USO1: variants seen among roughly 807,000 people sequenced by gnomAD.
USO1 encodes USO1 vesicle transport factor.
Under a neutral mutation model 124.5 loss-of-function variants are expected in USO1, and 57 were observed. The ratio of observed to expected loss-of-function variants is 0.46; its 90% confidence interval spans 0.37 to 0.57. The LOEUF (loss-of-function observed/expected upper bound fraction) is 0.57, where lower values mean the gene tolerates loss of function less well. USO1 is among the 20% of genes least tolerant of loss of function. USO1 has a pLI of 0.00. For missense variants in USO1, 900 were observed against 1,040.6 expected, an observed-to-expected ratio of 0.86 and a Z score of 1.86; for synonymous variants, 369 against 362.8, an observed-to-expected ratio of 1.02 and a Z score of -0.19.
chr4:75,813,288 A>G lies in USO1; in HGVS notation c.2882A>G (p.His961Arg), dbSNP rs1202456604. The stretch of plus-strand genomic sequence containing the variant: ...GAAGATCCTGGCAAGGATCTAGATC[A>G]TATCTAGTTTTCAAATCTCTAGGAA... ...ESEDPGKDLD[H>R]I The change falls in exon 24 of 24, where the codon CAT (histidine) becomes CGT (arginine). Residue 961 changes from histidine to arginine, a missense_variant. By Grantham distance (29) the His-to-Arg change is conservative. Coordinates refer to ENST00000514213, the MANE Select transcript of USO1 (RefSeq NM_003715.4). 1.3e-6 allele frequency: 2 copies of G among 1,596,814 alleles called. No homozygotes were observed. The highest frequency in any genetic ancestry group is 2.3e-5 in the South Asian group (2 of 87,434).
At chr4:75,774,899 ACT>A (rs1172737935) in intron 8 of USO1, 103 bp downstream of exon 8, 1 of 1,412,506 alleles carries the variant, frequency 7.1e-7, no homozygotes, top group Non-Finnish European at 9.3e-7. Context: ...TCTTATTTAT[ACT>A]CTTTGTTTTT....
At chr4:75,805,383 T>C in intron 19 of USO1, 80 bp downstream of exon 19, 2 of 1,443,056 alleles carry the variant, frequency 1.4e-6, no homozygotes, top group Non-Finnish European at 1.8e-6. Context: ...TTTCCTTGGA[T>C]CTCTTAAGCC....
chr4:75,752,803 G>A (rs1721328531), intron 3 of USO1, among the ~76,000 whole-genome samples, 199 bp downstream of exon 3: 1 of 152,138 alleles, frequency 6.6e-6, no homozygotes, highest in Non-Finnish European at 1.5e-5. Context: ...TGGGATTGCA[G>A]GTGTGAGCCA....
chr4:75,770,124 T>C (rs2149167083), intron 4 of USO1: 1 of 176,796 alleles, frequency 5.7e-6, no homozygotes, highest in East Asian at 1.6e-4. Flanking sequence ...ATAGACTATT[T>C]CTATCCCAAA....
At chr4:75,807,325 TTTC>T (rs1458384537) in intron 20 of USO1, among the ~76,000 whole-genome samples, 10 of 152,018 alleles carry the variant, frequency 6.6e-5, no homozygotes, top group Non-Finnish European at 1.2e-4. Context: ...TTCTCTCTCT[TTTC>T]TTCTTTCCCT....
chr4:75,776,445 AAAATG>A (rs1265836182), intron 8 of USO1, among the ~76,000 whole-genome samples: 1 of 152,234 alleles, frequency 6.6e-6, no homozygotes, highest in African/African-American at 2.4e-5. Flanking sequence ...AAACTATTGT[AAAATG>A]AAAAACTGGG....
chr4:75,805,755 A>G (rs569138953), intron 19 of USO1, among the ~76,000 whole-genome samples: 40 of 152,050 alleles, frequency 2.6e-4, no homozygotes, highest in Non-Finnish European at 5.6e-4. Flanking sequence ...TTAGAGTCAA[A>G]CTGTTTAAAC....
chr4:75,787,194 C>A lies in USO1; in HGVS notation c.988C>A (p.Leu330Met). 1 of 1,536,866 alleles carries A rather than the reference C, an allele frequency of 6.5e-7. No homozygotes were observed. Among genetic ancestry groups the A allele is most frequent in the Non-Finnish European group, 8.7e-7 (1 of 1,145,610 alleles). ...LMATGVPADI[L>M]TETINTVSEV... ...GGCTACTGGGGTTCCTGCTGATATCCTGACTGAGGTAAAGCAAATGAAGTC... is the reference window on the plus strand; with the variant it reads ...GGCTACTGGGGTTCCTGCTGATATCATGACTGAGGTAAAGCAAATGAAGTC... The change falls in exon 10 of 24, where the codon CTG (leucine) becomes ATG (methionine). Residue 330 changes from leucine (L) to methionine (M), a missense_variant. Transcript: ENST00000514213.
At chr4:75,765,835 A>C (rs1439063524) in intron 4 of USO1, among the ~76,000 whole-genome samples, 2 of 152,176 alleles carry the variant, frequency 1.3e-5, no homozygotes, top group African/African-American at 4.8e-5. Flanking sequence ...GTTATGTTTG[A>C]GTATTAGGCT....
intron 7 of USO1, 116 bp from the exon 8 acceptor site, chr4:75,774,560 A>C: frequency 8.2e-7 from 1 of 1,223,006 alleles, no homozygotes; most frequent in Non-Finnish European, 1.1e-6. Flanking sequence ...TGTATAAAGT[A>C]AAGGAGTTGG....
Position 75,805,290 on chromosome 4 carries a change from T to C in USO1, c.2276T>C (p.Met759Thr), listed in dbSNP as rs1240183401. The change falls in exon 19 of 24, where the codon ATG (methionine) becomes ACG (threonine). Residue 759 changes from methionine (M) to threonine (T), a missense_variant. Met to Thr is a moderately conservative substitution (Grantham distance 81). Transcript: ENST00000514213. ...LQSQLTEKDS[M>T]IENMKSSQTS... ...AGCCAGCTGACTGAAAAGGACTCTA[T>C]GATTGAAAATATGGTAAAGTAAATG... The C allele has an allele frequency of 6.2e-7, 1 of 1,601,834 alleles. No individual in the cohort carries two copies. The highest frequency in any genetic ancestry group is 8.5e-7 in the Non-Finnish European group (1 of 1,175,712).
At chr4:75,752,488 T>C (rs980064114) in intron 2 of USO1, 29 bp downstream of exon 2, 186 of 398,486 alleles carry the variant, frequency 4.7e-4, no homozygotes, top group African/African-American at 3.6e-3. Context: ...GTTTTAAGTT[T>C]CTTAAGTTGG....
intron 1 of USO1, among the ~76,000 whole-genome samples, chr4:75,751,445 C>T (rs1166047429): frequency 6.7e-6 from 1 of 148,256 alleles, no homozygotes; most frequent in Non-Finnish European, 1.5e-5. Flanking sequence ...CTCCTGACTT[C>T]AGGTGATCCA....
At chr4:75,804,317 T>C in intron 18 of USO1, 45 bp downstream of exon 18, 2 of 1,578,722 alleles carry the variant, frequency 1.3e-6, no homozygotes, top group Non-Finnish European at 1.7e-6. Context: ...CAGGTCATTC[T>C]TTCCTCAAGA....
intron 1 of USO1, among the ~76,000 whole-genome samples, chr4:75,744,715 C>T (rs1721071757): frequency 6.6e-6 from 1 of 152,188 alleles, no homozygotes; most frequent in Admixed American, 6.5e-5. Flanking sequence ...CCACCGCGCC[C>T]AGCCCCTATC....
intron 5 of USO1, 40 bp from the exon 6 acceptor site, chr4:75,770,782 G>C: frequency 6.3e-7 from 1 of 1,579,726 alleles, no homozygotes; most frequent in Non-Finnish European, 8.5e-7. Flanking sequence ...TCGAAAATGT[G>C]AATTACAGAT....
At chr4:75,784,559 G>C (rs992652381) in intron 9 of USO1, among the ~76,000 whole-genome samples, 4 of 152,152 alleles carry the variant, frequency 2.6e-5, no homozygotes, top group Non-Finnish European at 5.9e-5. Context: ...TCACACCTAT[G>C]ATCCCAGCAC....
intron 18 of USO1, among the ~76,000 whole-genome samples, 185 bp downstream of exon 18, chr4:75,804,457 G>C (rs1722938706): frequency 6.6e-6 from 1 of 152,184 alleles, no homozygotes; most frequent in South Asian, 2.1e-4. Flanking sequence ...TGGACCTTTA[G>C]AGATTGAAGT....
At chr4:75,768,656 C>T (rs1379127887) in intron 4 of USO1, among the ~76,000 whole-genome samples, 1 of 152,206 alleles carries the variant, frequency 6.6e-6, no homozygotes, top group Admixed American at 6.5e-5. Flanking sequence ...CTAGGATCTT[C>T]AGGTCAATGT....
Sources: allele counts gnomAD v4.1 joint callset (sites outside exome capture counted in the v4.1 genomes callset), GRCh38; gene constraint gnomAD v4.1.1; transcripts MANE v1.5; gene names NCBI Gene and HGNC (gene_info 2026-07-23, HGNC 2026-07-21).